Variants in MYO5B observed in about 807,000 individuals in gnomAD.
The protein encoded by MYO5B is unconventional myosin-Vb.
Under a neutral mutation model 229.3 loss-of-function variants are expected in MYO5B, and 143 were observed. The observed-to-expected ratio is 0.62, with a 90% CI of 0.54 to 0.72. The LOEUF is 0.72. MYO5B is among the 30% of genes least tolerant of loss of function. The pLI is 0.00. For missense variants in MYO5B, 2,321 were observed against 2,331.0 expected (o/e 1.00, Z 0.09); for synonymous variants, 918 against 885.2 (o/e 1.04, Z -0.66).
At chr18:50,107,312 T>C (rs910902435) in intron 1 of MYO5B, among the ~76,000 whole-genome samples, 9 of 151,736 alleles carry the variant, frequency 5.9e-5, no homozygotes, top group African/African-American at 2.2e-4. Context: ...AGACAGGTTT[T>C]CACCATGTTA....
intron 14 of MYO5B, among the ~76,000 whole-genome samples, chr18:49,952,751 T>TA (rs1189683242): frequency 6.6e-6 from 1 of 152,182 alleles, no homozygotes; most frequent in South Asian, 2.1e-4. Context: ...GTAGTAGATT[T>TA]AAGTGTTCCT....
chr18:49,879,165 A>G, intron 23 of MYO5B, 75 bp from the exon 24 acceptor site: 1 of 1,592,770 alleles, frequency 6.3e-7, no homozygotes, highest in Non-Finnish European at 8.6e-7. Flanking sequence ...TTTTCCGATT[A>G]ATCTCTTGTT....
intron 1 of MYO5B, among the ~76,000 whole-genome samples, chr18:50,152,255 A>G (rs1403369572): frequency 1.3e-5 from 2 of 152,166 alleles, no homozygotes; most frequent in African/African-American, 2.4e-5. Context: ...GCCTAATCAC[A>G]AAGCATAAGC....
chr18:49,946,873 T>C (rs2025379435), intron 14 of MYO5B, among the ~76,000 whole-genome samples: 1 of 152,142 alleles, frequency 6.6e-6, no homozygotes, highest in South Asian at 2.1e-4. Context: ...TTTTATAAAC[T>C]CAAATGAACA....
At chr18:50,187,458 A>G (rs1443414960) in intron 1 of MYO5B, among the ~76,000 whole-genome samples, 1 of 152,182 alleles carries the variant, frequency 6.6e-6, no homozygotes, top group East Asian at 1.9e-4. Flanking sequence ...CCATGTAAGC[A>G]TAAGACAGTC....
At chr18:49,871,145 A>G (rs2024451841) in intron 27 of MYO5B, among the ~76,000 whole-genome samples, 1 of 152,266 alleles carries the variant, frequency 6.6e-6, no homozygotes, top group Non-Finnish European at 1.5e-5. Context: ...ATCAACCATC[A>G]GGACACAAAT....
At position 49,953,359 on chromosome 18, in the gene MYO5B, C is replaced by T. The variant is rs1220532679; in HGVS notation, c.1669-16G>A. ...GGTACTCCACCTGGGGCCACAGCAA[C>T]CAGAGAGAGACACAGTCGTTAGTGC... is the stretch of plus-strand genomic sequence containing the variant. On this transcript the variant is annotated splice_polypyrimidine_tract_variant and intron_variant, in intron 13 of 39. Coordinates refer to ENST00000285039, the MANE Select transcript of MYO5B (RefSeq NM_001080467.3). The T allele has an allele frequency of 1.2e-5, 19 of 1,610,956 alleles. No homozygotes were observed. The highest frequency in any genetic ancestry group is 1.6e-5 in the Non-Finnish European group (19 of 1,177,084).
rs200084356 is a variant in MYO5B at position 49,902,794 on chromosome 18, C to A, written c.2611G>T (p.Val871Leu). 1 of 1,602,580 alleles carries A rather than the reference C, an allele frequency of 6.2e-7. No individual in the cohort carries two copies. The highest frequency in any genetic ancestry group is 8.5e-7 in the Non-Finnish European group (1 of 1,179,940). The change falls in exon 21 of 40, where the codon GTG (valine) becomes TTG (leucine). Residue 871 changes from valine (V) to leucine (L), a missense_variant. Physicochemically the swap from Val to Leu is conservative, Grantham distance 32. Coordinates refer to ENST00000285039, the MANE Select transcript of MYO5B (RefSeq NM_001080467.3). ...EHKATTIQKH[V>L]RGWMARRHFQ... The stretch of plus-strand genomic sequence containing the variant: ...TGCCTGCGTGCCATCCAGCCCCGCA[C>A]GTGCTTCTGGATGGTGGTGGCCTTG...
chr18:50,061,298 G>A (rs2030680688), intron 1 of MYO5B, among the ~76,000 whole-genome samples: 1 of 152,140 alleles, frequency 6.6e-6, no homozygotes, highest in Non-Finnish European at 1.5e-5. Context: ...CCTACCTCGT[G>A]AAGTGTTCTA....
At chr18:50,021,247 T>C (rs2026271020) in intron 4 of MYO5B, among the ~76,000 whole-genome samples, 1 of 152,064 alleles carries the variant, frequency 6.6e-6, no homozygotes, top group Non-Finnish European at 1.5e-5. Flanking sequence ...ATGGAGCAAA[T>C]TATTTAGTGC....
chr18:50,069,550 C>T (rs550550868), intron 1 of MYO5B, among the ~76,000 whole-genome samples: 1 of 152,310 alleles, frequency 6.6e-6, no homozygotes, highest in South Asian at 2.1e-4. Context: ...CATGTCTGAG[C>T]ATGCTTGTCC....
At chr18:50,155,679 G>A (rs1208836228) in intron 1 of MYO5B, among the ~76,000 whole-genome samples, 1 of 152,178 alleles carries the variant, frequency 6.6e-6, no homozygotes, top group Non-Finnish European at 1.5e-5. Context: ...AAAAGGAAGA[G>A]GAAAAAGCTA....
chr18:50,118,582 G>A (rs1386247983), intron 1 of MYO5B, among the ~76,000 whole-genome samples: 1 of 151,174 alleles, frequency 6.6e-6, no homozygotes, highest in Non-Finnish European at 1.5e-5. Flanking sequence ...TGTGCACAAC[G>A]TGCAGGTTTG....
chr18:49,881,478 T>C lies in MYO5B; in HGVS notation c.3046-1023A>G, dbSNP rs2024584569. ...AGAAAAAATACTAATTAAACAAAAA[T>C]TGTAGTCTACTCAAAGAGGAGTAAG... On this transcript the variant is annotated intron_variant, in intron 22 of 39. Transcript: ENST00000285039. 2.6e-5 allele frequency among the ~76,000 whole-genome samples: 4 copies of C among 152,002 alleles called. No homozygotes were observed. In the South Asian group the frequency reaches 8.3e-4, roughly 32 times the overall value.
intron 9 of MYO5B, among the ~76,000 whole-genome samples, chr18:49,977,028 CG>C (rs1303556229): frequency 6.6e-6 from 1 of 152,144 alleles, no homozygotes; most frequent in Non-Finnish European, 1.5e-5. Context: ...GACATGCCCA[CG>C]GGCACCCTCC....
chr18:50,012,079 G>C (rs185895482), intron 4 of MYO5B, among the ~76,000 whole-genome samples: 66 of 151,920 alleles, frequency 4.3e-4, no homozygotes, highest in Admixed American at 7.2e-4. Flanking sequence ...GTGGAGCTTA[G>C]GAAACTACTT....
intron 1 of MYO5B, among the ~76,000 whole-genome samples, chr18:50,089,671 T>A (rs992279311): frequency 6.6e-6 from 1 of 152,020 alleles, no homozygotes; most frequent in Non-Finnish European, 1.5e-5. Flanking sequence ...TTTAGGCAGA[T>A]GGAAAGGAAA....
intron 4 of MYO5B, among the ~76,000 whole-genome samples, chr18:50,012,669 A>C (rs568516551): frequency 2.3e-4 from 35 of 152,306 alleles, no homozygotes; most frequent in African/African-American, 7.9e-4. Flanking sequence ...ATTCACCAGA[A>C]AGAAAGTGCT....
rs376369572 is a variant in MYO5B, at chr18:49,826,342, C to T, written c.*129G>A. On this transcript the variant is annotated 3_prime_UTR_variant, in exon 40 of 40. Coordinates refer to ENST00000285039, the MANE Select transcript of MYO5B (RefSeq NM_001080467.3). Reference sequence around the variant, plus strand: ...GTCTAATTCTGTATAGTTCAGCACCCTCCACAGGCTGTCAATCTCTGATTT... The same window carrying T: ...GTCTAATTCTGTATAGTTCAGCACCTTCCACAGGCTGTCAATCTCTGATTT... The T allele has an allele frequency of 5.1e-6, 6 of 1,166,608 alleles. No homozygotes were observed. The African/African-American group carries it at 9.2e-5, about 18-fold the overall frequency. The allele number at this position is 1,166,608 out of a possible 1,614,324, so 72.3% of individuals were successfully genotyped here. A position where few individuals can be genotyped will look rare whatever the true frequency, so the allele number is the denominator to read the frequency against.
Sources: gnomAD v4.1 joint callset for allele counts (sites outside exome capture counted in the v4.1 genomes callset) on GRCh38, gnomAD v4.1.1 for gene constraint, MANE v1.5 for transcripts, NCBI Gene and HGNC (gene_info 2026-07-23, HGNC 2026-07-21) for gene names.